MYPN: variants seen among roughly 807,000 people sequenced by gnomAD.
MYPN encodes the protein sarcomeric protein myopalladin, 145 kDa (MYOP).
A neutral mutation model predicts 129.4 loss-of-function variants in MYPN; 63 were observed. The observed-to-expected ratio is 0.49, with a 90% CI of 0.40 to 0.60. The LOEUF is 0.60. Ranked by LOEUF, MYPN falls within the 20% of genes least tolerant of loss-of-function variation. The pLI, the probability that MYPN is intolerant of heterozygous loss-of-function variation, is 0.00. For synonymous variants in MYPN, 629 were observed against 600.9 expected, an observed-to-expected ratio of 1.05 and a Z score of -0.68; for missense variants, 1,596 against 1,635.4, an observed-to-expected ratio of 0.98 and a Z score of 0.42.
chr10:68,174,562 C>G lies in MYPN; in HGVS notation c.2470C>G (p.Gln824Glu). The G allele has an allele frequency of 6.2e-7, 1 of 1,614,172 alleles. No homozygotes were observed. Among genetic ancestry groups the G allele is most frequent in the African/African-American group, 1.3e-5 (1 of 75,066 alleles). ...PIPVSPTSRIQNPVAFLSSVL... is the reference protein window; with the variant it reads ...PIPVSPTSRIENPVAFLSSVL... ...TCCTGTCTCTCCTACCAGCCGGATT[C>G]AGAACCCAGTGGCTTTCCTCAGCTC... Residue 824 changes from glutamine (Q) to glutamate (E), a missense_variant, in exon 11 of 20, where the codon CAG becomes GAG. Transcript: ENST00000358913.
At chr10:68,148,614 C>T (rs1252053809) in intron 5 of MYPN, 147 bp downstream of exon 5, 2 of 750,820 alleles carry the variant, frequency 2.7e-6, no homozygotes, top group Non-Finnish European at 4.8e-6. Flanking sequence ...TGTTTGAGAG[C>T]AGTGGTTCCT....
At chr10:68,135,089 T>C (rs1265925322) in intron 2 of MYPN, among the ~76,000 whole-genome samples, 2 of 151,980 alleles carry the variant, frequency 1.3e-5, no homozygotes, top group Non-Finnish European at 2.9e-5. Flanking sequence ...GTAGCTGGGA[T>C]TACAGGCACG....
chr10:68,173,732 C>G (rs2043178872), intron 10 of MYPN, among the ~76,000 whole-genome samples: 1 of 151,886 alleles, frequency 6.6e-6, no homozygotes, highest in African/African-American at 2.4e-5. Context: ...TTCCTGGGAT[C>G]CTCCTGGGAT....
chr10:68,131,766 G>A (rs2042414978), intron 2 of MYPN, among the ~76,000 whole-genome samples: 4 of 152,042 alleles, frequency 2.6e-5, no homozygotes. Flanking sequence ...TTTATTCATA[G>A]GCATCTCATT....
intron 2 of MYPN, among the ~76,000 whole-genome samples, chr10:68,131,038 T>C (rs912139141): frequency 1.3e-5 from 2 of 152,232 alleles, no homozygotes; most frequent in African/African-American, 4.8e-5. Flanking sequence ...TTAAGGATTT[T>C]TGGCCTTTCT....
Position 68,122,266 on chromosome 10 carries a change from G to A in MYPN, c.828G>A (p.Arg276=). Residue 276 remains arginine, a synonymous_variant, in exon 2 of 20, where the codon CGG becomes CGA. Transcript: ENST00000358913. Reference sequence around the variant, plus strand: ...CTCCCCGGTTCACTCAAAAGTTACGGAGCAGAGAAGTTCCAGAAGGAACTC... The same window carrying A: ...CTCCCCGGTTCACTCAAAAGTTACGAAGCAGAGAAGTTCCAGAAGGAACTC... ...GQPPRFTQKL[R]SREVPEGTRV... 3 of 1,613,992 alleles carry A rather than the reference G, an allele frequency of 1.9e-6. No homozygotes were observed. In the South Asian group the frequency reaches 3.3e-5, roughly 18 times the overall value.
intron 7 of MYPN, among the ~76,000 whole-genome samples, chr10:68,158,856 C>CA (rs1406868172): frequency 6.6e-6 from 1 of 151,540 alleles, no homozygotes; most frequent in East Asian, 1.9e-4. Flanking sequence ...ATTATTTACT[C>CA]AACATTTAAT....
chr10:68,108,836 C>T (rs1165832730), upstream of MYPN, among the ~76,000 whole-genome samples: 5 of 152,212 alleles, frequency 3.3e-5, no homozygotes, highest in Non-Finnish European at 4.4e-5. Flanking sequence ...ATTCTCCTGC[C>T]GCAGCCTCCT....
chr10:68,090,808 T>C (rs2041927278), intron 1 of MYPN, among the ~76,000 whole-genome samples: 2 of 152,310 alleles, frequency 1.3e-5, no homozygotes, highest in Admixed American at 1.3e-4. Context: ...GGATCGCTTC[T>C]TAAGGAAGTC....
At chr10:68,192,800 C>T (rs2043537442) in intron 13 of MYPN, among the ~76,000 whole-genome samples, 1 of 152,060 alleles carries the variant, frequency 6.6e-6, no homozygotes, top group Non-Finnish European at 1.5e-5. Context: ...AATTTGCTGG[C>T]ATATAGTTGT....
intron 12 of MYPN, among the ~76,000 whole-genome samples, chr10:68,182,277 A>G (rs376692166): frequency 0.042 from 812 of 19,386 alleles, 21 homozygotes; most frequent in Middle Eastern, 0.062. Context: ...CATATATATA[A>G]CACACATATA....
chr10:68,157,862 A>AC (rs3998874), intron 6 of MYPN, among the ~76,000 whole-genome samples: 12 of 148,636 alleles, frequency 8.1e-5, no homozygotes, highest in Non-Finnish European at 1.2e-4. Context: ...AAACAAACAA[A>AC]AAAAAACACC....
At chr10:68,150,371 C>T (rs2042748590) in intron 6 of MYPN, among the ~76,000 whole-genome samples, 1 of 152,084 alleles carries the variant, frequency 6.6e-6, no homozygotes, top group Non-Finnish European at 1.5e-5. Context: ...AACATAGGAG[C>T]CACCCCTAGA....
chr10:68,092,046 C>A (rs547109529), intron 1 of MYPN, among the ~76,000 whole-genome samples: 25 of 152,082 alleles, frequency 1.6e-4, no homozygotes, highest in Non-Finnish European at 3.1e-4. Context: ...TGTGTCACTG[C>A]TCTCCAGTCT....
intron 2 of MYPN, among the ~76,000 whole-genome samples, chr10:68,129,964 T>C (rs1238588822): frequency 6.6e-6 from 1 of 152,196 alleles, no homozygotes; most frequent in African/African-American, 2.4e-5. Flanking sequence ...TACCAGACTT[T>C]TACATTTTTG....
At chr10:68,148,518 A>G (rs374406530) in intron 5 of MYPN, 51 bp downstream of exon 5, 129 of 1,427,832 alleles carry the variant, frequency 9.0e-5, no homozygotes, top group Non-Finnish European at 1.2e-4. Context: ...ACAGACAGTC[A>G]TGGTGACCAT....
chr10:68,092,444 G>A (rs1471811694), intron 1 of MYPN, among the ~76,000 whole-genome samples: 1 of 151,284 alleles, frequency 6.6e-6, no homozygotes, highest in Non-Finnish European at 1.5e-5. Context: ...GCAGTGAGCC[G>A]AGATTGAGCC....
At chr10:68,205,028 G>A (rs947116433) in intron 18 of MYPN, among the ~76,000 whole-genome samples, 3 of 152,170 alleles carry the variant, frequency 2.0e-5, no homozygotes, top group Non-Finnish European at 4.4e-5. Context: ...CTTTGAGACT[G>A]AGCTGGAGCA....
upstream of MYPN, chr10:68,109,380 A>G (rs2042050540): frequency 2.7e-6 from 1 of 371,886 alleles, no homozygotes; most frequent in Non-Finnish European, 5.3e-6. Context: ...CCACCCCCAT[A>G]GGTGCTGTCC....
Sources: allele counts gnomAD v4.1 joint callset (sites outside exome capture counted in the v4.1 genomes callset), GRCh38; gene constraint gnomAD v4.1.1; transcripts MANE v1.5; gene names NCBI Gene and HGNC (gene_info 2026-07-23, HGNC 2026-07-21).